The following PLEKHA8 variants were observed in gnomAD, a reference collection of about 807,000 sequenced individuals.
The protein encoded by PLEKHA8 is pleckstrin homology domain-containing family A member 8.
PLEKHA8 carries 36 observed loss-of-function variants against 68.2 expected under a neutral mutation model. The observed-to-expected ratio is 0.53, with a 90% CI of 0.40 to 0.70. The LOEUF (loss-of-function observed/expected upper bound fraction) is 0.70. Among genes scored for constraint, PLEKHA8 ranks in the 30% least tolerant of loss-of-function variants. The pLI, the probability that PLEKHA8 is intolerant of heterozygous loss-of-function variation, is 0.00. For synonymous variants in PLEKHA8, 211 were observed against 216.1 expected (o/e 0.98, Z 0.20); for missense variants, 505 against 615.4 (o/e 0.82, Z 1.90).
intron 1 of PLEKHA8, among the ~76,000 whole-genome samples, chr7:30,030,915 A>G (rs886444578): frequency 3.9e-5 from 6 of 151,944 alleles, no homozygotes; most frequent in Non-Finnish European, 7.4e-5. Context: ...TTTTTCTTGT[A>G]GGTTTGCACA....
chr7:30,040,002 CTA>C (rs1158022752), intron 1 of PLEKHA8, among the ~76,000 whole-genome samples: 1 of 152,198 alleles, frequency 6.6e-6, no homozygotes, highest in African/African-American at 2.4e-5. Flanking sequence ...TACACATTAA[CTA>C]TGGGTTCTTT....
chr7:30,124,394 T>C (rs913489710), intron 13 of PLEKHA8, among the ~76,000 whole-genome samples: 4 of 152,220 alleles, frequency 2.6e-5, no homozygotes, highest in African/African-American at 9.6e-5. Flanking sequence ...CCCCCTGAGA[T>C]CTGTTCTAAA....
intron 13 of PLEKHA8, among the ~76,000 whole-genome samples, chr7:30,102,033 A>G (rs1795871738): frequency 6.6e-6 from 1 of 152,276 alleles, no homozygotes; most frequent in African/African-American, 2.4e-5. Context: ...CAAATCATAC[A>G]TCTGATAAGG....
rs376034294 is a variant in PLEKHA8 at position 30,102,844 on chromosome 7, G to A, written c.1363-26422G>A. 5.9e-5 allele frequency among the ~76,000 whole-genome samples: 9 copies of A among 152,218 alleles called. No individual in the cohort carries two copies. The South Asian group carries it at 8.3e-4, about 14-fold the overall frequency. ...CAAGGATGGCTTGAGGCCAAGGCCC[G>A]GAGTTCCAGACCAGTCAGGGCAAAC... is the stretch of plus-strand genomic sequence containing the variant. On this transcript the variant is annotated intron_variant, in intron 13 of 13. Coordinates refer to the PLEKHA8 transcript ENST00000396257.
intron 13 of PLEKHA8, among the ~76,000 whole-genome samples, chr7:30,115,434 A>T (rs1015966573): frequency 2.6e-5 from 4 of 151,928 alleles, no homozygotes; most frequent in Non-Finnish European, 2.9e-5. Flanking sequence ...GTTTAGATAT[A>T]CATATATACA....
At chr7:30,035,930 G>C (rs1032893331) in intron 1 of PLEKHA8, among the ~76,000 whole-genome samples, 2 of 151,560 alleles carry the variant, frequency 1.3e-5, no homozygotes, top group East Asian at 4.0e-4. Context: ...ACAGGCATGA[G>C]CCACCTCGCC....
At chr7:30,111,082 T>G (rs747495763) in intron 13 of PLEKHA8, among the ~76,000 whole-genome samples, 13 of 152,098 alleles carry the variant, frequency 8.5e-5, no homozygotes, top group Non-Finnish European at 1.5e-4. Context: ...TTTTTGTATT[T>G]TTAGTAGAGA....
chr7:30,030,636 C>A (rs575419963), intron 1 of PLEKHA8, among the ~76,000 whole-genome samples: 1 of 152,224 alleles, frequency 6.6e-6, no homozygotes, highest in Non-Finnish European at 1.5e-5. Context: ...CCTTAGCCCA[C>A]GTGCCCCGTC....
At chr7:30,127,591 C>G (rs978394345) in intron 13 of PLEKHA8, among the ~76,000 whole-genome samples, 8 of 152,094 alleles carry the variant, frequency 5.3e-5, no homozygotes, top group Admixed American at 2.0e-4. Context: ...TGAAATAGAC[C>G]GAAAGGTGGA....
chr7:30,083,707 T>C lies in PLEKHA8; in HGVS notation c.*4920T>C, dbSNP rs540713365. 21 of 985,310 alleles carry C rather than the reference T, an allele frequency of 2.1e-5. No individual in the cohort carries two copies. Among genetic ancestry groups the C allele is most frequent in the Admixed American group, 6.1e-5 (1 of 16,272 alleles). The allele number at this position is 985,310 out of a possible 1,614,324, so 61.0% of individuals were successfully genotyped here. A position where few individuals can be genotyped will look rare whatever the true frequency, so the allele number is the denominator to read the frequency against. On this transcript the variant is annotated 3_prime_UTR_variant, in exon 14 of 14. Transcript: ENST00000449726. ...ATTCTTTGTTTCCTGTATTAATCAC[T>C]TCTGTTCCAGAGTGAACAAATGTTT...
At chr7:30,062,618 C>A in intron 11 of PLEKHA8, 54 bp from the exon 12 acceptor site, 1 of 1,302,686 alleles carries the variant, frequency 7.7e-7, no homozygotes, top group Non-Finnish European at 1.1e-6. Flanking sequence ...TCTTTATACC[C>A]ACTCAACATA....
chr7:30,068,144 C>T (rs1793994710), intron 12 of PLEKHA8, among the ~76,000 whole-genome samples: 1 of 152,200 alleles, frequency 6.6e-6, no homozygotes, highest in Non-Finnish European at 1.5e-5. Context: ...ACCTGGAAGG[C>T]TCCTTGAAAC....
intron 6 of PLEKHA8, among the ~76,000 whole-genome samples, chr7:30,051,114 G>C (rs1195524142): frequency 2.0e-5 from 3 of 152,098 alleles, no homozygotes; most frequent in Admixed American, 6.6e-5. Context: ...TGCCCAGGCT[G>C]GTCTTGAACT....
chr7:30,070,183 A>G (rs1794143553), intron 12 of PLEKHA8, among the ~76,000 whole-genome samples: 1 of 151,916 alleles, frequency 6.6e-6, no homozygotes, highest in African/African-American at 2.4e-5. Flanking sequence ...AATTGCAGCA[A>G]TGATCTCAGT....
At chr7:30,115,613 C>A (rs1796422919) in intron 13 of PLEKHA8, among the ~76,000 whole-genome samples, 1 of 151,700 alleles carries the variant, frequency 6.6e-6, no homozygotes, top group Admixed American at 6.6e-5. Flanking sequence ...TACATTTATA[C>A]ATGCACACAT....
intron 13 of PLEKHA8, among the ~76,000 whole-genome samples, chr7:30,109,053 A>G (rs924838357): frequency 6.6e-6 from 1 of 152,112 alleles, no homozygotes; most frequent in South Asian, 2.1e-4. Context: ...CCGTTCAACA[A>G]TGGGAGGACA....
chr7:30,035,691 C>G (rs996898364), intron 1 of PLEKHA8, among the ~76,000 whole-genome samples: 3 of 152,050 alleles, frequency 2.0e-5, no homozygotes, highest in Non-Finnish European at 4.4e-5. Context: ...GTCGCCCAGG[C>G]TGGAGTGCAG....
intron 13 of PLEKHA8, among the ~76,000 whole-genome samples, chr7:30,110,940 T>C (rs554708657): frequency 6.6e-6 from 1 of 151,868 alleles, no homozygotes; most frequent in South Asian, 2.1e-4. Context: ...AGTCTCACTC[T>C]GTTGCCCAGA....
Position 30,115,770 on chromosome 7 carries a change from G to A in PLEKHA8, c.1363-13496G>A, listed in dbSNP as rs988516371. 9 of 147,106 alleles carry A rather than the reference G, an allele frequency of 6.1e-5. No homozygotes were observed. In the South Asian group the frequency reaches 8.5e-4, roughly 14 times the overall value. 9.1% of individuals were successfully genotyped at this position (147,106 alleles called of 1,614,324 possible). A position where few individuals can be genotyped will look rare whatever the true frequency, so the allele number is the denominator to read the frequency against. ...CATACGTGCACATACATGTATACAC[G>A]TATGCATGCATACATACGTGCACAT... On this transcript the variant is annotated intron_variant, in intron 13 of 13. Coordinates refer to the PLEKHA8 transcript ENST00000396257.
Sources: allele counts gnomAD v4.1 joint callset (sites outside exome capture counted in the v4.1 genomes callset), GRCh38; gene constraint gnomAD v4.1.1; transcripts MANE v1.5; gene names NCBI Gene and HGNC (gene_info 2026-07-23, HGNC 2026-07-21).